Variants in GRIA3 observed in about 807,000 individuals in gnomAD.
The protein encoded by GRIA3 is glutamate receptor 3.
In GRIA3, 3 loss-of-function variants were observed where a neutral mutation model predicts 63.0. The ratio of observed to expected loss-of-function variants is 0.05; its 90% CI spans 0.02 to 0.12. The LOEUF (loss-of-function observed/expected upper bound fraction) is 0.12, where lower values mean the gene tolerates loss of function less well. Ranked by LOEUF, GRIA3 falls within the 10% of genes least tolerant of loss-of-function variation. The pLI is 1.00. For missense variants in GRIA3, 347 were observed against 700.9 expected (o/e 0.50, Z 5.70); for synonymous variants, 274 against 257.9 (o/e 1.06, Z -0.60).
intron 12 of GRIA3, among the ~76,000 whole-genome samples, chrX:123,443,948 T>C (rs998300326): frequency 9.0e-6 from 1 of 111,052 alleles, no homozygotes; most frequent in Non-Finnish European, 1.9e-5. Context: ...GACTTCTATG[T>C]TGGTGTTTTT....
intron 3 of GRIA3, among the ~76,000 whole-genome samples, chrX:123,305,661 T>C (rs896594272): frequency 5.4e-5 from 6 of 111,817 alleles, no homozygotes; most frequent in African/African-American, 2.0e-4. Flanking sequence ...ATGGAGAGAG[T>C]GGAAAGTAGA....
intron 12 of GRIA3, among the ~76,000 whole-genome samples, chrX:123,447,244 A>C (rs1306990772): frequency 2.7e-5 from 3 of 111,393 alleles, no homozygotes; most frequent in African/African-American, 9.8e-5. Context: ...TTAGCCGGGC[A>C]TGGTGGTGCA....
intron 1 of GRIA3, chrX:123,185,134 G>C: frequency 3.6e-6 from 1 of 281,573 alleles, no homozygotes; most frequent in South Asian, 3.3e-5. Context: ...GGGGGAGGTG[G>C]AGCCCACTTT....
chrX:123,360,639 T>G (rs763848227), intron 5 of GRIA3, among the ~76,000 whole-genome samples: 2 of 92,515 alleles, frequency 2.2e-5, no homozygotes, highest in South Asian at 1.1e-3. Context: ...GAGGTTGCAG[T>G]GAGCTGAGAT....
At chrX:123,343,754 G>A (rs2045025248) in intron 4 of GRIA3, among the ~76,000 whole-genome samples, 1 of 107,820 alleles carries the variant, frequency 9.3e-6, no homozygotes, top group African/African-American at 3.4e-5. Flanking sequence ...TCCTTCCTAT[G>A]CCCGGCAATT....
chrX:123,260,613 TACGAAGGAA>T (rs2044454656), intron 3 of GRIA3, among the ~76,000 whole-genome samples: 1 of 106,960 alleles, frequency 9.3e-6, no homozygotes, highest in African/African-American at 3.4e-5. Flanking sequence ...TTAAAAGACG[TACGAAGGAA>T]ACAGATGGCT....
At chrX:123,342,314 T>G (rs2045014222) in intron 4 of GRIA3, among the ~76,000 whole-genome samples, 1 of 112,243 alleles carries the variant, frequency 8.9e-6, no homozygotes, top group African/African-American at 3.2e-5. Flanking sequence ...ATAGCGATTC[T>G]TGAATTTGAA....
intron 11 of GRIA3, among the ~76,000 whole-genome samples, chrX:123,421,961 C>T (rs1396434875): frequency 3.6e-5 from 4 of 111,528 alleles, no homozygotes; most frequent in Non-Finnish European, 7.5e-5. Flanking sequence ...GAACAGCACC[C>T]GAAGGATGAT....
chrX:123,264,382 C>T (rs2044476267), intron 3 of GRIA3, among the ~76,000 whole-genome samples: 1 of 111,447 alleles, frequency 9.0e-6, no homozygotes, highest in African/African-American at 3.3e-5. Flanking sequence ...ATAAACTGAA[C>T]TCACCTTCAA....
intron 4 of GRIA3, among the ~76,000 whole-genome samples, chrX:123,342,605 G>C (rs1410453958): frequency 8.9e-6 from 1 of 111,867 alleles, no homozygotes; most frequent in African/African-American, 3.2e-5. Flanking sequence ...CTTCCCTTTG[G>C]TTCGCTCTAG....
chrX:123,394,046 G>A (rs993806369), intron 5 of GRIA3, among the ~76,000 whole-genome samples: 6 of 112,424 alleles, frequency 5.3e-5, no homozygotes, highest in Non-Finnish European at 1.1e-4. Flanking sequence ...GAAAGTGGTG[G>A]ATACTATGTA....
Position 123,317,333 on chromosome X carries a change from A to T in GRIA3, c.509-8693A>T, listed in dbSNP as rs757420045. On this transcript the variant is annotated intron_variant, in intron 3 of 15. Coordinates refer to ENST00000620443, the MANE Select transcript of GRIA3 (RefSeq NM_007325.5). ...ATGTCCTCACATTTCAAAACCAATC[A>T]TGCCTTCCCAACAGTCCCCCAAAGT... Among the ~76,000 whole-genome samples the T allele has an allele frequency of 5.4e-5, 6 of 110,950 alleles. No homozygotes were observed. The East Asian group carries it at 1.1e-3, about 21-fold the overall frequency.
chrX:123,377,108 T>G (rs1302061679), intron 5 of GRIA3, among the ~76,000 whole-genome samples: 2 of 109,772 alleles, frequency 1.8e-5, no homozygotes, highest in African/African-American at 6.6e-5. Context: ...CTAATTTTTT[T>G]TATATTTTTA....
chrX:123,294,860 T>C (rs184469479), intron 3 of GRIA3, among the ~76,000 whole-genome samples: 36 of 112,003 alleles, frequency 3.2e-4, no homozygotes, highest in Admixed American at 2.9e-3. Flanking sequence ...CTTCCACAAG[T>C]GTACTACAAT....
chrX:123,189,723 A>C (rs777823121), intron 2 of GRIA3, among the ~76,000 whole-genome samples: 1 of 112,788 alleles, frequency 8.9e-6, no homozygotes, highest in Non-Finnish European at 1.9e-5. Context: ...TGGCTTAAAT[A>C]AAAATCTGTT....
intron 5 of GRIA3, among the ~76,000 whole-genome samples, chrX:123,379,620 GTTTTT>G: frequency 2.9e-5 from 2 of 67,994 alleles, no homozygotes; most frequent in Middle Eastern, 0.019. Flanking sequence ...CTAGCAACTT[GTTTTT>G]TTTTTTTTTT....
chrX:123,370,026 T>C (rs1327573966), intron 5 of GRIA3, among the ~76,000 whole-genome samples: 1 of 112,041 alleles, frequency 8.9e-6, no homozygotes, highest in Non-Finnish European at 1.9e-5. Flanking sequence ...ACATTTCCAC[T>C]GCATTAATGT....
intron 2 of GRIA3, among the ~76,000 whole-genome samples, chrX:123,248,694 G>C (rs1484315178): frequency 8.9e-6 from 1 of 111,992 alleles, no homozygotes; most frequent in Non-Finnish European, 1.9e-5. Context: ...GCTGAGGTAA[G>C]AGAATTGCTT....
chrX:123,270,375 T>TG (rs1341975028), intron 3 of GRIA3, among the ~76,000 whole-genome samples: 2 of 111,994 alleles, frequency 1.8e-5, no homozygotes, highest in African/African-American at 6.5e-5. Context: ...GGGAAAGATT[T>TG]TTTGTGGCCT....
Sources: gnomAD v4.1 joint callset for allele counts (sites outside exome capture counted in the v4.1 genomes callset) on GRCh38, gnomAD v4.1.1 for gene constraint, MANE v1.5 for transcripts, NCBI Gene and HGNC (gene_info 2026-07-23, HGNC 2026-07-21) for gene names.